Variants in U2AF2 observed in about 807,000 individuals in gnomAD.
U2AF2 encodes U2 small nuclear RNA auxiliary factor 2.
U2AF2 carries 6 observed loss-of-function variants against 52.6 expected under a neutral mutation model. The observed-to-expected ratio is 0.11, with a 90% CI of 0.06 to 0.23. The LOEUF (loss-of-function observed/expected upper bound fraction) is 0.23, where lower values mean the gene tolerates loss of function less well. Among genes scored for constraint, U2AF2 ranks in the 10% least tolerant of loss-of-function variants. The pLI is 1.00. For synonymous variants in U2AF2, 284 were observed against 258.2 expected, an observed-to-expected ratio of 1.10 and a Z score of -0.96; for missense variants, 222 against 677.1, an observed-to-expected ratio of 0.33 and a Z score of 7.46.
At chr19:55,657,512 C>T (rs993328042) in intron 1 of U2AF2, among the ~76,000 whole-genome samples, 1 of 152,212 alleles carries the variant, frequency 6.6e-6, no homozygotes, top group Non-Finnish European at 1.5e-5. Flanking sequence ...TCCTGTCTGC[C>T]TGCTTGCCTG....
At chr19:55,665,733 C>A (rs1199821080) in intron 7 of U2AF2, among the ~76,000 whole-genome samples, 5 of 152,106 alleles carry the variant, frequency 3.3e-5, no homozygotes, top group Non-Finnish European at 5.9e-5. Context: ...ACTGCAACCT[C>A]CGCCTCCCAG....
rs199521970 is a variant in U2AF2, at chr19:55,669,705, C to T, written c.1293+13C>T. The T allele has an allele frequency of 1.2e-4, 197 of 1,588,208 alleles. No homozygotes were observed. The Middle Eastern group carries it at 1.8e-3, about 15-fold the overall frequency. On this transcript the variant is annotated intron_variant, in intron 11 of 11. Coordinates refer to ENST00000308924, the MANE Select transcript of U2AF2 (RefSeq NM_007279.3). ...CGGCTGCGGAAAGGTCAGGAGGCCT[C>T]GGGCTCAGTGCTCTCTCACCCTCTG... is the stretch of plus-strand genomic sequence containing the variant.
At chr19:55,666,928 G>C (rs1984584241) in intron 7 of U2AF2, among the ~76,000 whole-genome samples, 1 of 152,196 alleles carries the variant, frequency 6.6e-6, no homozygotes, top group Admixed American at 6.5e-5. Context: ...GTGTGTCTTT[G>C]CTCTGTGCCT....
intron 1 of U2AF2, among the ~76,000 whole-genome samples, 171 bp downstream of exon 1, chr19:55,655,324 G>C (rs1983709589): frequency 6.6e-6 from 1 of 152,126 alleles, no homozygotes; most frequent in African/African-American, 2.4e-5. Context: ...GTTCCGCCGC[G>C]CGCTAGGCGA....
intron 10 of U2AF2, 65 bp from the exon 11 acceptor site, chr19:55,669,379 G>A: frequency 6.4e-7 from 1 of 1,555,510 alleles, no homozygotes; most frequent in Non-Finnish European, 8.7e-7. Context: ...GAGGGGCCTA[G>A]GCTTGAGCAG....
chr19:55,666,601 C>T (rs909150497), intron 7 of U2AF2, among the ~76,000 whole-genome samples: 3 of 152,342 alleles, frequency 2.0e-5, no homozygotes, highest in South Asian at 2.1e-4. Flanking sequence ...AGCACTTGGC[C>T]TGAGCTGTTC....
chr19:55,668,904 G>A lies in U2AF2; in HGVS notation c.945+112G>A. 1 of 1,532,440 alleles carries A rather than the reference G, an allele frequency of 6.5e-7. No homozygotes were observed. The highest frequency in any genetic ancestry group is 1.4e-5 in the African/African-American group (1 of 73,382). The allele number at this position is 1,532,440 out of a possible 1,614,324, so 94.9% of individuals were successfully genotyped here. A position where few individuals can be genotyped will look rare whatever the true frequency, so the allele number is the denominator to read the frequency against. On this transcript the variant is annotated intron_variant, in intron 9 of 11. Coordinates refer to ENST00000308924, the MANE Select transcript of U2AF2 (RefSeq NM_007279.3). This position sits in a 1 kb window ranked among gnomAD's most constrained non-coding sequence, Gnocchi z 5.5. ...CGGGGCGGGAGGCGGCCAACCTGAG[G>A]CAGTGCCCTGTGTGTGGGCTCGTCC...
intron 7 of U2AF2, among the ~76,000 whole-genome samples, chr19:55,665,307 G>A (rs984353368): frequency 4.2e-5 from 6 of 142,978 alleles, no homozygotes; most frequent in African/African-American, 1.3e-4. Context: ...GCTGTCCTAA[G>A]TGCCCTCCAT....
chr19:55,667,004 C>T (rs1055212600), intron 7 of U2AF2, among the ~76,000 whole-genome samples: 1 of 152,200 alleles, frequency 6.6e-6, no homozygotes, highest in Non-Finnish European at 1.5e-5. Context: ...TACAGGATGC[C>T]TGGCCCATGG....
At chr19:55,667,023 C>T (rs994593403) in intron 7 of U2AF2, among the ~76,000 whole-genome samples, 8 of 152,148 alleles carry the variant, frequency 5.3e-5, no homozygotes, top group Non-Finnish European at 1.0e-4. Context: ...GGGGTGAGTG[C>T]CCGGTGTGTG....
intron 6 of U2AF2, 42 bp downstream of exon 6, chr19:55,662,660 T>C (rs1984291308): frequency 6.4e-7 from 1 of 1,554,222 alleles, no homozygotes; most frequent in African/African-American, 1.4e-5. Flanking sequence ...ACGTGTGTGA[T>C]GTGAGGGCCC....
intron 7 of U2AF2, among the ~76,000 whole-genome samples, chr19:55,667,853 T>C (rs1984642798): frequency 6.6e-6 from 1 of 151,718 alleles, no homozygotes; most frequent in South Asian, 2.1e-4. Flanking sequence ...TGGAGTGATC[T>C]CGGCTCACTG....
rs952230381 is a variant in U2AF2, at chr19:55,673,827, C to T, written c.1294-107C>T. Reference sequence around the variant, plus strand: ...TCCCTTTCTGACACCTGTGGCGAAGCCCCCTCCTCCCTGTCCCTTCCTGCC... The same window carrying T: ...TCCCTTTCTGACACCTGTGGCGAAGTCCCCTCCTCCCTGTCCCTTCCTGCC... On this transcript the variant is annotated intron_variant, in intron 11 of 11. Transcript: ENST00000308924. 3 of 1,467,496 alleles carry T rather than the reference C, an allele frequency of 2.0e-6. No homozygotes were observed. The South Asian group carries it at 4.2e-5, about 20-fold the overall frequency. The allele number at this position is 1,467,496 out of a possible 1,614,324, so 90.9% of individuals were successfully genotyped here.
At position 55,673,886 on chromosome 19, in the gene U2AF2, T is replaced by C. The variant is rs757541126; in HGVS notation, c.1294-48T>C. The C allele has an allele frequency of 7.0e-6, 11 of 1,575,710 alleles. No homozygotes were observed. The Admixed American group carries it at 1.8e-4, about 25-fold the overall frequency. On this transcript the variant is annotated intron_variant, in intron 11 of 11. Transcript: ENST00000308924. ...TGGGGTTGGGTGGACGCTGACTGGC[T>C]GTTGGGCGTGAGCCTTGTTCACAAA...
intron 1 of U2AF2, among the ~76,000 whole-genome samples, chr19:55,655,480 T>C (rs1011167100): frequency 5.3e-5 from 8 of 152,380 alleles, no homozygotes; most frequent in African/African-American, 1.9e-4. Flanking sequence ...TTTTAAAATC[T>C]TTTTGGTTTC....
At chr19:55,671,172 A>G (rs1473261480) in intron 11 of U2AF2, among the ~76,000 whole-genome samples, 1 of 152,150 alleles carries the variant, frequency 6.6e-6, no homozygotes, top group African/African-American at 2.4e-5. Context: ...GTCTCCCGCA[A>G]TAATCTGGTG....
At chr19:55,661,699 C>A in intron 5 of U2AF2, 1 of 156,478 alleles carries the variant, frequency 6.4e-6, no homozygotes, top group Non-Finnish European at 1.4e-5. Context: ...CCTCTCCCCT[C>A]TCCCCAACCC....
At chr19:55,660,643 C>G in intron 4 of U2AF2, 24 bp downstream of exon 4, 1 of 1,605,734 alleles carries the variant, frequency 6.2e-7, no homozygotes, top group Non-Finnish European at 8.5e-7. Context: ...CAGGCTGCTC[C>G]CAGAGCGGGA....
chr19:55,655,639 C>T (rs760460098), intron 1 of U2AF2, among the ~76,000 whole-genome samples: 7 of 152,206 alleles, frequency 4.6e-5, no homozygotes, highest in Non-Finnish European at 5.9e-5. Flanking sequence ...GGCCCCTTTC[C>T]TTCCTTCACG....
Sources: gnomAD v4.1 joint callset for allele counts (sites outside exome capture counted in the v4.1 genomes callset) on GRCh38, gnomAD v4.1.1 for gene constraint, Gnocchi (gnomAD v3.1) non-coding constraint, MANE v1.5 for transcripts, NCBI Gene and HGNC (gene_info 2026-07-23, HGNC 2026-07-21) for gene names.